RBFOX1: variants seen among roughly 807,000 people sequenced by gnomAD.
RBFOX1 encodes RNA binding fox-1 homolog 1.
In RBFOX1, 8 loss-of-function variants were observed where a neutral mutation model predicts 57.7. That is an observed-to-expected ratio of 0.14 (90% CI 0.08 to 0.25). The LOEUF is 0.25. Ranked by LOEUF, RBFOX1 falls within the 10% of genes least tolerant of loss-of-function variation. The probability of loss-of-function intolerance (pLI) is 1.00; values close to 1 mark genes in which losing one functional copy is unlikely to be tolerated. For synonymous variants in RBFOX1, 326 were observed against 222.4 expected (o/e 1.47, Z -4.15); for missense variants, 611 against 548.5 (o/e 1.11, Z -1.14).
chr16:6,266,325 A>G (rs1228851845), intron 1 of RBFOX1, among the ~76,000 whole-genome samples: 2 of 152,212 alleles, frequency 1.3e-5, no homozygotes, highest in Non-Finnish European at 2.9e-5. Flanking sequence ...CGTCTAGCCC[A>G]TCCTGAATGA....
At chr16:5,367,568 C>T (rs562022232) in intron 1 of RBFOX1, among the ~76,000 whole-genome samples, 2 of 152,300 alleles carry the variant, frequency 1.3e-5, no homozygotes, top group East Asian at 3.9e-4. Flanking sequence ...AAACCTTCCC[C>T]AGTGGATACT....
chr16:7,122,610 T>G (rs2067441938), intron 4 of RBFOX1, among the ~76,000 whole-genome samples: 1 of 152,204 alleles, frequency 6.6e-6, no homozygotes, highest in African/African-American at 2.4e-5. Context: ...ATTTCTCCTG[T>G]ACTGCTGGTA....
intron 4 of RBFOX1, among the ~76,000 whole-genome samples, chr16:7,344,527 T>C (rs2096957861): frequency 6.6e-6 from 1 of 151,004 alleles, no homozygotes; most frequent in Non-Finnish European, 1.5e-5. Flanking sequence ...AGATGACACA[T>C]ATCATTGTGT....
At chr16:7,087,757 C>T (rs1019754866) in intron 4 of RBFOX1, among the ~76,000 whole-genome samples, 5 of 152,150 alleles carry the variant, frequency 3.3e-5, no homozygotes, top group African/African-American at 7.2e-5. Flanking sequence ...ATTTTCTACC[C>T]ACTGCTTTCA....
chr16:6,341,906 C>G (rs1206846619), intron 2 of RBFOX1, among the ~76,000 whole-genome samples: 1 of 152,208 alleles, frequency 6.6e-6, no homozygotes, highest in Non-Finnish European at 1.5e-5. Flanking sequence ...TTCCACTGAA[C>G]CCACCTGGAT....
intron 3 of RBFOX1, among the ~76,000 whole-genome samples, chr16:6,659,380 A>G (rs946448737): frequency 1.4e-4 from 21 of 152,192 alleles, no homozygotes; most frequent in African/African-American, 2.4e-4. Flanking sequence ...ATTGGGTCCA[A>G]TTGAAGGTGC....
intron 4 of RBFOX1, among the ~76,000 whole-genome samples, chr16:7,228,894 G>C (rs1311933181): frequency 1.3e-5 from 2 of 152,144 alleles, no homozygotes; most frequent in African/African-American, 4.8e-5. Context: ...GTTATCTGTT[G>C]CATTTTGAGA....
intron 4 of RBFOX1, among the ~76,000 whole-genome samples, chr16:7,361,887 T>G (rs2097329338): frequency 2.0e-5 from 3 of 151,764 alleles, no homozygotes; most frequent in Non-Finnish European, 2.9e-5. Flanking sequence ...TGTGTATATG[T>G]TAGTATGTGT....
intron 1 of RBFOX1, among the ~76,000 whole-genome samples, chr16:6,042,376 G>C (rs1050504909): frequency 6.6e-6 from 1 of 152,104 alleles, no homozygotes; most frequent in Non-Finnish European, 1.5e-5. Context: ...TGGGATTACA[G>C]GCATGAGCCA....
At chr16:7,041,796 C>G (rs906686203) in intron 3 of RBFOX1, among the ~76,000 whole-genome samples, 12 of 152,262 alleles carry the variant, frequency 7.9e-5, no homozygotes, top group African/African-American at 2.9e-4. Flanking sequence ...CCTCCTGTGT[C>G]ATTAATTTGA....
At chr16:6,771,755 TCA>T (rs2078334569) in intron 3 of RBFOX1, among the ~76,000 whole-genome samples, 1 of 152,138 alleles carries the variant, frequency 6.6e-6, no homozygotes, top group African/African-American at 2.4e-5. Flanking sequence ...GTTTAACATC[TCA>T]CAATGCACAG....
chr16:7,529,034 G>A (rs1388348330), intron 5 of RBFOX1, among the ~76,000 whole-genome samples: 1 of 152,134 alleles, frequency 6.6e-6, no homozygotes, highest in Non-Finnish European at 1.5e-5. Flanking sequence ...CAAAGCAGAT[G>A]GATCACTTGA....
intron 2 of RBFOX1, among the ~76,000 whole-genome samples, chr16:6,344,622 C>T (rs569000932): frequency 1.3e-5 from 2 of 150,488 alleles, no homozygotes; most frequent in South Asian, 2.1e-4. Context: ...TGGTTTCCAT[C>T]TCCTGACCTC....
chr16:7,387,390 A>T (rs1165844399), intron 4 of RBFOX1, among the ~76,000 whole-genome samples: 3 of 152,242 alleles, frequency 2.0e-5, no homozygotes, highest in Non-Finnish European at 4.4e-5. Flanking sequence ...CTCTAAGTCC[A>T]GAATTGAGGC....
At chr16:7,464,688 CTTTTTTTTTTTT>C (rs57553411) in intron 4 of RBFOX1, among the ~76,000 whole-genome samples, 1 of 62,232 alleles carries the variant, frequency 1.6e-5, no homozygotes, top group African/African-American at 6.9e-5. Flanking sequence ...TATTGTCTGT[CTTTTTTTTTTTT>C]TTTTTTTTTT....
At chr16:5,827,912 T>TCCATCCAC (rs1194689092) in intron 3 of RBFOX1, among the ~76,000 whole-genome samples, 8 of 130,446 alleles carry the variant, frequency 6.1e-5, no homozygotes, top group Non-Finnish European at 1.1e-4. Context: ...CATCCATCCA[T>TCCATCCAC]CCATCCACCC....
chr16:5,273,487 C>G (rs1158186534), intron 1 of RBFOX1, among the ~76,000 whole-genome samples: 2 of 152,148 alleles, frequency 1.3e-5, no homozygotes, highest in Non-Finnish European at 2.9e-5. Flanking sequence ...CTCAGATGCC[C>G]TTGCATCACC....
chr16:5,576,634 C>A (rs1426658740), intron 2 of RBFOX1, among the ~76,000 whole-genome samples: 1 of 152,192 alleles, frequency 6.6e-6, no homozygotes, highest in Admixed American at 6.5e-5. Context: ...CCATTTTCCG[C>A]TGGTTTTGGA....
chr16:7,422,703 G>A (rs996909554), intron 4 of RBFOX1: 3 of 152,128 alleles, frequency 2.0e-5, no homozygotes, highest in East Asian at 1.9e-4. Flanking sequence ...TAGGAGTGAG[G>A]AGAGGCGGCC....
Sources: gnomAD v4.1 joint callset for allele counts (sites outside exome capture counted in the v4.1 genomes callset) on GRCh38, gnomAD v4.1.1 for gene constraint, MANE v1.5 for transcripts, NCBI Gene and HGNC (gene_info 2026-07-23, HGNC 2026-07-21) for gene names.